Variants in PCP4 observed in about 807,000 individuals in gnomAD.
PCP4 encodes Purkinje cell protein 4.
A neutral mutation model predicts 10.0 loss-of-function variants in PCP4; 8 were observed. The ratio of observed to expected loss-of-function variants is 0.80; its 90% confidence interval spans 0.47 to 1.45. The LOEUF (loss-of-function observed/expected upper bound fraction) is 1.45. Among genes scored for constraint, PCP4 ranks in the 40% most tolerant of loss-of-function variants. The pLI is 0.00. For missense variants in PCP4, 54 were observed against 74.4 expected (o/e 0.73, Z 1.01); for synonymous variants, 21 against 23.0 (o/e 0.91, Z 0.24).
intron 2 of PCP4, among the ~76,000 whole-genome samples, chr21:39,904,874 A>G (rs1008386366): frequency 2.0e-4 from 30 of 152,200 alleles, no homozygotes; most frequent in Non-Finnish European, 4.0e-4. Context: ...AAACTTAACA[A>G]GCCAAGATGA....
chr21:39,919,896 G>A (rs1425159859), intron 2 of PCP4, among the ~76,000 whole-genome samples: 1 of 149,676 alleles, frequency 6.7e-6, no homozygotes, highest in Non-Finnish European at 1.5e-5. Context: ...TGAGGGTTGT[G>A]TTTGTGTAGG....
chr21:39,916,327 T>A (rs1257946489), intron 2 of PCP4: 2 of 152,250 alleles, frequency 1.3e-5, no homozygotes, highest in Admixed American at 1.3e-4. Context: ...TTACCCCTTT[T>A]CTTTATATAA....
At chr21:39,898,352 A>T (rs749212270) in intron 1 of PCP4, 124 bp from the exon 2 acceptor site, 1 of 818,926 alleles carries the variant, frequency 1.2e-6, no homozygotes, top group Non-Finnish European at 2.1e-6. Context: ...TGCTTTAGCC[A>T]TCTGAGCTAA....
intron 2 of PCP4, among the ~76,000 whole-genome samples, chr21:39,914,665 G>T (rs1488470922): frequency 2.6e-5 from 4 of 151,946 alleles, no homozygotes; most frequent in Non-Finnish European, 5.9e-5. Flanking sequence ...GTGGGTTCAA[G>T]TGAGGTTCTT....
At chr21:39,928,874 C>T (rs2087637354) in intron 2 of PCP4, 110 bp from the exon 3 acceptor site, 13 of 1,027,798 alleles carry the variant, frequency 1.3e-5, no homozygotes, top group Non-Finnish European at 1.9e-5. Flanking sequence ...AAGTTAAGCC[C>T]CTGTGTGTGC....
At chr21:39,885,706 C>T (rs2087397364) in intron 1 of PCP4, among the ~76,000 whole-genome samples, 1 of 152,234 alleles carries the variant, frequency 6.6e-6, no homozygotes, top group Non-Finnish European at 1.5e-5. Context: ...GCACCCTCTC[C>T]CTCCCCTGGG....
intron 1 of PCP4, among the ~76,000 whole-genome samples, chr21:39,891,278 G>A (rs1568853767): frequency 1.3e-5 from 2 of 152,306 alleles, no homozygotes; most frequent in Admixed American, 1.3e-4. Flanking sequence ...CTGCCTCAGC[G>A]TGGGCTCTGC....
chr21:39,905,785 A>G (rs1242743871), intron 2 of PCP4, among the ~76,000 whole-genome samples: 1 of 152,174 alleles, frequency 6.6e-6, no homozygotes, highest in African/African-American at 2.4e-5. Flanking sequence ...ACGGTGGATC[A>G]TGTCTGTAAT....
intron 1 of PCP4, among the ~76,000 whole-genome samples, chr21:39,868,714 T>G (rs188796256): frequency 2.5e-4 from 38 of 152,290 alleles, no homozygotes; most frequent in African/African-American, 8.4e-4. Flanking sequence ...TTATTCCCAA[T>G]TGACAGATGA....
At chr21:39,903,876 C>CAAAAAAAAAAAAAAAAA (rs67572508) in intron 2 of PCP4, among the ~76,000 whole-genome samples, 2 of 95,538 alleles carry the variant, frequency 2.1e-5, no homozygotes, top group African/African-American at 3.9e-5. Flanking sequence ...TCAAAAAAAA[C>CAAAAAAAAAAAAAAAAA]AAAAAAAAAA....
At chr21:39,880,112 A>G (rs1463309732) in intron 1 of PCP4, among the ~76,000 whole-genome samples, 3 of 147,046 alleles carry the variant, frequency 2.0e-5, no homozygotes, top group Non-Finnish European at 3.0e-5. Flanking sequence ...ATATCTATCT[A>G]TATCTATATC....
intron 2 of PCP4, among the ~76,000 whole-genome samples, chr21:39,926,527 C>T (rs2087622063): frequency 6.6e-6 from 1 of 152,146 alleles, no homozygotes; most frequent in Non-Finnish European, 1.5e-5. Context: ...TTTGCACTCA[C>T]TGTACAGTTG....
At chr21:39,918,789 T>C (rs2087581108) in intron 2 of PCP4, among the ~76,000 whole-genome samples, 1 of 152,308 alleles carries the variant, frequency 6.6e-6, no homozygotes, top group East Asian at 1.9e-4. Context: ...GGCTCTGGGC[T>C]GTGGGGCTGG....
At chr21:39,920,901 C>T (rs2087593827) in intron 2 of PCP4, among the ~76,000 whole-genome samples, 1 of 152,252 alleles carries the variant, frequency 6.6e-6, no homozygotes, top group South Asian at 2.1e-4. Context: ...GGCTGTGCCC[C>T]TCCCAGGATG....
At chr21:39,889,609 G>A (rs554400155) in intron 1 of PCP4, among the ~76,000 whole-genome samples, 10 of 151,466 alleles carry the variant, frequency 6.6e-5, no homozygotes, top group Admixed American at 6.6e-4. Flanking sequence ...GTAGAGATGG[G>A]GTTTCACTGT....
Position 39,880,454 on chromosome 21 carries a change from CGTGTGTGTGA to C in PCP4, c.9+12954_9+12963del, listed in dbSNP as rs1162588953. ...GTATGTGCATGTACATCTGTGTGTG[CGTGTGTGTGA>C]GTGTGTGTGTGTGCATGCGTGTGAG... On this transcript the variant is annotated intron_variant, in intron 1 of 2. Coordinates refer to ENST00000328619, the MANE Select transcript of PCP4 (RefSeq NM_006198.3). 9.6e-3 allele frequency among the ~76,000 whole-genome samples: 1,464 copies of C among 151,854 alleles called. 27 individuals are homozygous for C. The highest frequency in any genetic ancestry group is 0.034 in the African/African-American group (1,398 of 41,402).
chr21:39,884,010 G>C (rs1240525297), intron 1 of PCP4, among the ~76,000 whole-genome samples: 1 of 152,156 alleles, frequency 6.6e-6, no homozygotes, highest in East Asian at 1.9e-4. Context: ...GAGAAGTTAA[G>C]TGACCTGAAC....
chr21:39,917,612 T>C lies in PCP4; in HGVS notation c.62-11372T>C, dbSNP rs1374753757. On this transcript the variant is annotated intron_variant, in intron 2 of 2. Coordinates refer to ENST00000328619, the MANE Select transcript of PCP4 (RefSeq NM_006198.3). ...CATGCTCTCCAGAGAAAAACAAGCCTGGGCAAGGATTTGAACCTCAGGAAG... is the reference window on the plus strand; with the variant it reads ...CATGCTCTCCAGAGAAAAACAAGCCCGGGCAAGGATTTGAACCTCAGGAAG... 2.0e-5 allele frequency among the ~76,000 whole-genome samples: 3 copies of C among 152,166 alleles called. No individual in the cohort carries two copies. The East Asian group carries it at 5.8e-4, about 29-fold the overall frequency.
chr21:39,914,077 T>TCTTATTC (rs71186906), intron 2 of PCP4, among the ~76,000 whole-genome samples: 2 of 152,216 alleles, frequency 1.3e-5, no homozygotes, highest in East Asian at 1.9e-4. Flanking sequence ...TAAAGAGTAT[T>TCTTATTC]TGTAAGGAGA....
Sources: allele counts gnomAD v4.1 joint callset (sites outside exome capture counted in the v4.1 genomes callset), GRCh38; gene constraint gnomAD v4.1.1; transcripts MANE v1.5; gene names NCBI Gene and HGNC (gene_info 2026-07-23, HGNC 2026-07-21).